FGD4: variants seen among roughly 807,000 people sequenced by gnomAD.
FGD4 encodes FYVE, RhoGEF and PH domain containing 4.
FGD4 carries 42 observed loss-of-function variants against 102.0 expected under a neutral mutation model. The ratio of observed to expected loss-of-function variants is 0.41; its 90% confidence interval spans 0.32 to 0.53. FGD4 has a LOEUF of 0.53. Ranked by LOEUF, FGD4 falls within the 20% of genes least tolerant of loss-of-function variation. The pLI is 0.21. For missense variants in FGD4, 902 were observed against 1,078.2 expected (o/e 0.84, Z 2.29); for synonymous variants, 380 against 375.7 (o/e 1.01, Z -0.13).
At chr12:32,502,467 G>T in intron 1 of FGD4, 3 of 435,974 alleles carry the variant, frequency 6.9e-6, no homozygotes, top group Non-Finnish European at 6.1e-6. Flanking sequence ...CACTTCTCTT[G>T]TATTGATTTT....
chr12:32,528,547 G>A (rs11052049), intron 1 of FGD4, among the ~76,000 whole-genome samples: 4 of 151,930 alleles, frequency 2.6e-5, no homozygotes, highest in East Asian at 1.9e-4. Flanking sequence ...GCACCACCAC[G>A]CCTGGCTAAC....
intron 1 of FGD4, among the ~76,000 whole-genome samples, chr12:32,491,146 A>AAC (rs1372509775): frequency 8.6e-5 from 13 of 151,066 alleles, no homozygotes; most frequent in Admixed American, 1.3e-4. Context: ...AAAAAAAAAA[A>AAC]AAAACAAAAA....
intron 1 of FGD4, among the ~76,000 whole-genome samples, chr12:32,405,513 C>T (rs762873309): frequency 1.3e-5 from 2 of 152,198 alleles, no homozygotes; most frequent in African/African-American, 2.4e-5. Flanking sequence ...CCCGCCTCGG[C>T]CTCCCAAAGT....
chr12:32,576,258 T>C lies in FGD4; in HGVS notation c.320-8T>C, dbSNP rs1015811800. 2 of 1,574,660 alleles carry C rather than the reference T, an allele frequency of 1.3e-6. No homozygotes were observed. Among genetic ancestry groups the C allele is most frequent in the Admixed American group, 3.8e-5 (2 of 53,158 alleles). On this transcript the variant is annotated splice_region_variant and splice_polypyrimidine_tract_variant and intron_variant, in intron 2 of 16. Transcript: ENST00000534526. ...AGTGAAATACTATATTCTATTCTTTTTCTACAGTGCCTCCAAAGCCATTAC... is the reference window on the plus strand; with the variant it reads ...AGTGAAATACTATATTCTATTCTTTCTCTACAGTGCCTCCAAAGCCATTAC...
intron 1 of FGD4, among the ~76,000 whole-genome samples, chr12:32,527,588 C>T (rs1941386128): frequency 6.6e-6 from 1 of 152,120 alleles, no homozygotes; most frequent in South Asian, 2.1e-4. Context: ...TGCCACCATG[C>T]CCAGCTAATT....
intron 7 of FGD4, among the ~76,000 whole-genome samples, chr12:32,605,012 C>T (rs1948683633): frequency 1.5e-5 from 2 of 132,366 alleles, no homozygotes; most frequent in South Asian, 4.8e-4. Context: ...GATCTCGGCT[C>T]ACTGTAACCT....
At chr12:32,548,416 T>C (rs73305509) in intron 1 of FGD4, among the ~76,000 whole-genome samples, 1 of 151,952 alleles carries the variant, frequency 6.6e-6, no homozygotes, top group African/African-American at 2.4e-5. Context: ...CTTATGATAC[T>C]TGTCTCAATG....
At chr12:32,628,627 C>T (rs1270725459) in intron 14 of FGD4, among the ~76,000 whole-genome samples, 2 of 152,020 alleles carry the variant, frequency 1.3e-5, no homozygotes, top group African/African-American at 2.4e-5. Flanking sequence ...GGAGAAATCC[C>T]GTCTCTACTA....
intron 14 of FGD4, among the ~76,000 whole-genome samples, chr12:32,628,582 T>C (rs1950312944): frequency 6.6e-6 from 1 of 152,086 alleles, no homozygotes; most frequent in Non-Finnish European, 1.5e-5. Context: ...GTCGATCTCC[T>C]GAGGTCGGGA....
Position 32,561,075 on chromosome 12 carries a change from GTTTTTTTTTTT to G in FGD4, c.167-3046_167-3036del, listed in dbSNP as rs1218919677. On this transcript the variant is annotated intron_variant, in intron 1 of 16. Transcript: ENST00000534526. Reference sequence around the variant, plus strand: ...AAATGTGGTTTCTTTGTTGGGTTTTGTTTTTTTTTTTTTTTTTTTTTTTTTTGAGATGGAGT... The same window carrying G: ...AAATGTGGTTTCTTTGTTGGGTTTTGTTTTTTTTTTTTTTTGAGATGGAGT... Among the ~76,000 whole-genome samples, 290 of 85,180 alleles carry G rather than the reference GTTTTTTTTTTT, an allele frequency of 3.4e-3. 3 individuals carry two copies. Among genetic ancestry groups the G allele is most frequent in the African/African-American group, 0.013 (274 of 21,774 alleles). 55.9% of individuals were successfully genotyped at this position (85,180 alleles called of 152,430 possible).
intron 1 of FGD4, among the ~76,000 whole-genome samples, chr12:32,436,588 C>T (rs1454896612): frequency 6.6e-6 from 1 of 152,228 alleles, no homozygotes; most frequent in African/African-American, 2.4e-5. Context: ...GGTTGTGCTT[C>T]TCCCGCTTTA....
chr12:32,447,242 G>C (rs1942644871), intron 1 of FGD4, among the ~76,000 whole-genome samples: 1 of 152,158 alleles, frequency 6.6e-6, no homozygotes, highest in African/African-American at 2.4e-5. Flanking sequence ...TATCTGGGGA[G>C]TCATTAGGCT....
At chr12:32,625,122 G>A in intron 13 of FGD4, 54 bp downstream of exon 13, 2 of 1,446,362 alleles carry the variant, frequency 1.4e-6, no homozygotes, top group Non-Finnish European at 1.9e-6. Context: ...TGCAGGTGTA[G>A]AAGATCTGTC....
intron 1 of FGD4, among the ~76,000 whole-genome samples, chr12:32,525,970 T>C (rs2136781396): frequency 6.6e-6 from 1 of 152,316 alleles, no homozygotes; most frequent in South Asian, 2.1e-4. Flanking sequence ...CTCCATGGGC[T>C]CCTGTGCGGC....
At chr12:32,496,490 A>G (rs981755850) in intron 1 of FGD4, among the ~76,000 whole-genome samples, 3 of 152,030 alleles carry the variant, frequency 2.0e-5, no homozygotes, top group Non-Finnish European at 4.4e-5. Context: ...CATATCAAAA[A>G]CTCATCAAGA....
At chr12:32,481,841 C>T (rs1247666227) in intron 1 of FGD4, among the ~76,000 whole-genome samples, 2 of 151,416 alleles carry the variant, frequency 1.3e-5, no homozygotes, top group East Asian at 1.9e-4. Flanking sequence ...AAAAGAACAT[C>T]TAAGTTAATT....
intron 1 of FGD4, among the ~76,000 whole-genome samples, chr12:32,428,441 T>A (rs1285304869): frequency 6.6e-6 from 1 of 152,248 alleles, no homozygotes; most frequent in Non-Finnish European, 1.5e-5. Context: ...CTGCTATTAG[T>A]CTGATGGGCT....
At chr12:32,442,324 A>T (rs1043595732) in intron 1 of FGD4, among the ~76,000 whole-genome samples, 10 of 152,166 alleles carry the variant, frequency 6.6e-5, no homozygotes, top group African/African-American at 2.2e-4. Context: ...AAGTGCTGGG[A>T]TTACAGATGT....
intron 8 of FGD4, among the ~76,000 whole-genome samples, chr12:32,608,830 A>C (rs1948955654): frequency 6.6e-6 from 1 of 152,332 alleles, no homozygotes; most frequent in Admixed American, 6.5e-5. Flanking sequence ...TTCTGTCATA[A>C]GTGAACCTGG....
Sources: gnomAD v4.1 joint callset for allele counts (sites outside exome capture counted in the v4.1 genomes callset) on GRCh38, gnomAD v4.1.1 for gene constraint, MANE v1.5 for transcripts, NCBI Gene and HGNC (gene_info 2026-07-23, HGNC 2026-07-21) for gene names.